The following POM121C variants were observed in gnomAD, a reference collection of about 807,000 sequenced individuals.
The protein encoded by POM121C is nuclear envelope pore membrane protein POM 121C.
A neutral mutation model predicts 66.4 loss-of-function variants in POM121C; 20 were observed. The ratio of observed to expected loss-of-function variants is 0.30; its 90% CI spans 0.21 to 0.44. The LOEUF (loss-of-function observed/expected upper bound fraction) is 0.44. Ranked by LOEUF, POM121C falls within the 20% of genes least tolerant of loss-of-function variation. The probability of loss-of-function intolerance (pLI) is 1.00; values close to 1 mark genes in which losing one functional copy is unlikely to be tolerated. For synonymous variants in POM121C, 286 were observed against 528.0 expected, an observed-to-expected ratio of 0.54 and a Z score of 6.28; for missense variants, 580 against 1,225.7, an observed-to-expected ratio of 0.47 and a Z score of 7.87.
In POM121C at chr7:75,418,468, G is replaced by T. The variant is rs1348788404; in HGVS notation, c.*328C>A. The T allele has an allele frequency of 1.2e-5, 13 of 1,072,084 alleles. No homozygotes were observed. In the Admixed American group the frequency reaches 6.3e-4, roughly 52 times the overall value. 66.4% of individuals were successfully genotyped at this position (1,072,084 alleles called of 1,614,324 possible). On this transcript the variant is annotated 3_prime_UTR_variant, in exon 15 of 15. Coordinates refer to ENST00000615331, the MANE Select transcript of POM121C (RefSeq NM_001099415.3). ...CGACGACGGCTCTCGGGGAAAGGTG[G>T]AAGGGGCGCCTGCCTAAGGGTGCGC... is the stretch of plus-strand genomic sequence containing the variant.
rs28375311 is a variant in POM121C, at chr7:75,463,715, G to A, written c.-152+10989C>T. ...AATGTCTGATTTCCTTTTTTGAGAC[G>A]GAGTCTTAGCTCTGTCATCCAGACT... On this transcript the variant is annotated intron_variant, in intron 3 of 14. Transcript: ENST00000615331. Among the ~76,000 whole-genome samples, 698 of 151,980 alleles carry A rather than the reference G, an allele frequency of 4.6e-3. 5 individuals carry two copies. Among genetic ancestry groups the A allele is most frequent in the African/African-American group, 0.016 (651 of 41,340 alleles).
At chr7:75,448,762 T>C (rs1364338512) in intron 3 of POM121C, among the ~76,000 whole-genome samples, 25 of 148,644 alleles carry the variant, frequency 1.7e-4, no homozygotes, top group African/African-American at 2.2e-4. Context: ...ATGGCGCCAC[T>C]GCACTCCAGC....
At chr7:75,468,746 G>A (rs1204136798) in intron 3 of POM121C, among the ~76,000 whole-genome samples, 6 of 152,168 alleles carry the variant, frequency 3.9e-5, no homozygotes, top group Non-Finnish European at 8.8e-5. Context: ...GCAAAGCCAG[G>A]TGCAGTGGGT....
At chr7:75,437,768 T>A in intron 6 of POM121C, 82 bp from the exon 7 acceptor site, 1 of 1,480,396 alleles carries the variant, frequency 6.8e-7, no homozygotes, top group Non-Finnish European at 9.0e-7. Flanking sequence ...ACATCTTTCT[T>A]AATAACATGA....
At chr7:75,477,059 T>C (rs1554479462) in intron 1 of POM121C, among the ~76,000 whole-genome samples, 1 of 151,724 alleles carries the variant, frequency 6.6e-6, no homozygotes, top group East Asian at 1.9e-4. Context: ...GTATGATATG[T>C]GACATATGTA....
chr7:75,461,721 T>C (rs2116481977), intron 3 of POM121C, among the ~76,000 whole-genome samples: 1 of 152,098 alleles, frequency 6.6e-6, no homozygotes, highest in East Asian at 1.9e-4. Context: ...AAAACAAATC[T>C]TAAGAAATGT....
intron 1 of POM121C, among the ~76,000 whole-genome samples, chr7:75,476,489 A>T (rs1584716534): frequency 3.3e-5 from 5 of 152,304 alleles, no homozygotes; most frequent in Admixed American, 3.3e-4. Context: ...GTTCAAACCC[A>T]GTGATACAGC....
chr7:75,458,384 C>T (rs1479418025), intron 3 of POM121C, among the ~76,000 whole-genome samples: 1 of 152,178 alleles, frequency 6.6e-6, no homozygotes, highest in Non-Finnish European at 1.5e-5. Flanking sequence ...AAAAAATCAG[C>T]TGGGCGTGGT....
chr7:75,477,647 G>C (rs1792141818), intron 1 of POM121C, among the ~76,000 whole-genome samples: 1 of 152,224 alleles, frequency 6.6e-6, no homozygotes, highest in African/African-American at 2.4e-5. Context: ...ACTGGACCCA[G>C]GCCAGGTGTG....
At chr7:75,436,701 T>G (rs1483657962) in intron 7 of POM121C, among the ~76,000 whole-genome samples, 3 of 152,194 alleles carry the variant, frequency 2.0e-5, no homozygotes, top group Non-Finnish European at 4.4e-5. Flanking sequence ...CCTCAATCAT[T>G]GCAACAGCAC....
At chr7:75,477,997 G>C (rs782145818) in intron 1 of POM121C, among the ~76,000 whole-genome samples, 5 of 151,984 alleles carry the variant, frequency 3.3e-5, no homozygotes, top group Non-Finnish European at 7.4e-5. Context: ...ATGAAGTCTC[G>C]CTCTTGTCTT....
At position 75,418,447 on chromosome 7, in the gene POM121C, G is replaced by A. The variant is rs1393921306; in HGVS notation, c.*349C>T. The A allele has an allele frequency of 1.9e-5, 20 of 1,045,668 alleles. No individual in the cohort carries two copies. The highest frequency in any genetic ancestry group is 1.2e-4 in the South Asian group (3 of 25,294). 64.8% of individuals were successfully genotyped at this position (1,045,668 alleles called of 1,614,324 possible). A position where few individuals can be genotyped will look rare whatever the true frequency, so the allele number is the denominator to read the frequency against. On this transcript the variant is annotated 3_prime_UTR_variant, in exon 15 of 15. Transcript: ENST00000615331. ...GCTGGACCCTGCCCCCTCCAGCGACGACGGCTCTCGGGGAAAGGTGGAAGG... is the reference window on the plus strand; with the variant it reads ...GCTGGACCCTGCCCCCTCCAGCGACAACGGCTCTCGGGGAAAGGTGGAAGG...
intron 8 of POM121C, 21 bp from the exon 9 acceptor site, chr7:75,425,729 A>G (rs2116342467): frequency 6.3e-7 from 1 of 1,599,576 alleles, no homozygotes; most frequent in African/African-American, 1.3e-5. Context: ...AAAAGGAACA[A>G]TTTAGTCTAG....
rs188590723 is a variant in POM121C, at chr7:75,426,858, A to G, written c.481-405T>C. 8.1e-3 allele frequency among the ~76,000 whole-genome samples: 1,221 copies of G among 150,940 alleles called. 1 individual carries two copies. The highest frequency in any genetic ancestry group is 0.028 in the African/African-American group (1,151 of 41,052). On this transcript the variant is annotated intron_variant, in intron 7 of 14. Transcript: ENST00000615331. ...AAATGAAAAAAATTTGTTTGTGAAGAAAGACCCCTGAAAAGAAAGTCAACT... is the reference window on the plus strand; with the variant it reads ...AAATGAAAAAAATTTGTTTGTGAAGGAAGACCCCTGAAAAGAAAGTCAACT...
intron 7 of POM121C, among the ~76,000 whole-genome samples, chr7:75,431,369 C>CA (rs1584659676): frequency 6.8e-6 from 1 of 148,118 alleles, no homozygotes; most frequent in East Asian, 2.1e-4. Context: ...TTTGGGAGGC[C>CA]AAGGCAGTTG....
At chr7:75,471,384 T>C (rs1413993050) in intron 3 of POM121C, among the ~76,000 whole-genome samples, 6 of 151,894 alleles carry the variant, frequency 4.0e-5, no homozygotes, top group Non-Finnish European at 8.8e-5. Context: ...AATTTTTCTA[T>C]ATTTAGTAGA....
intron 7 of POM121C, among the ~76,000 whole-genome samples, chr7:75,429,553 C>A (rs1368576823): frequency 1.3e-5 from 2 of 152,156 alleles, no homozygotes; most frequent in Admixed American, 1.3e-4. Context: ...ATCACTTGAA[C>A]CCGGGAGGTG....
chr7:75,484,601 G>C (rs2116564363), intron 1 of POM121C, among the ~76,000 whole-genome samples: 1 of 148,344 alleles, frequency 6.7e-6, no homozygotes, highest in Admixed American at 6.8e-5. Flanking sequence ...CCTGGGAGGT[G>C]GAAGTTGCAG....
chr7:75,420,000 A>T (rs1263561877), intron 13 of POM121C: 1 of 153,670 alleles, frequency 6.5e-6, no homozygotes, highest in African/African-American at 2.4e-5. Flanking sequence ...CTGTGCTCCC[A>T]CGCTGCTTCC....
Sources: gnomAD v4.1 joint callset for allele counts (sites outside exome capture counted in the v4.1 genomes callset) on GRCh38, gnomAD v4.1.1 for gene constraint, MANE v1.5 for transcripts, NCBI Gene and HGNC (gene_info 2026-07-23, HGNC 2026-07-21) for gene names.